Variants in ZSCAN5B observed in about 807,000 individuals in gnomAD.
The protein encoded by ZSCAN5B is zinc finger and SCAN domain-containing protein 5B.
A neutral mutation model predicts 25.2 loss-of-function variants in ZSCAN5B; 26 were observed. The ratio of observed to expected loss-of-function variants is 1.03; its 90% CI spans 0.76 to 1.43. The LOEUF (loss-of-function observed/expected upper bound fraction) is 1.43. ZSCAN5B is among the 40% of genes most tolerant of loss of function. The probability of loss-of-function intolerance (pLI) is 0.00; values close to 1 mark genes in which losing one functional copy is unlikely to be tolerated. For synonymous variants in ZSCAN5B, 244 were observed against 240.9 expected (o/e 1.01, Z -0.12); for missense variants, 745 against 622.1 (o/e 1.20, Z -2.10).
intron 3 of ZSCAN5B, 144 bp from the exon 4 acceptor site, chr19:56,191,131 G>T (rs868653670): frequency 2.6e-6 from 3 of 1,133,812 alleles, no homozygotes; most frequent in Non-Finnish European, 3.8e-6. Context: ...TCATTTCTGC[G>T]TCTGTCCCTA....
At chr19:56,194,532 C>T (rs566623972) in intron 1 of ZSCAN5B, among the ~76,000 whole-genome samples, 4 of 152,086 alleles carry the variant, frequency 2.6e-5, no homozygotes, top group South Asian at 2.1e-4. Context: ...TGGGCTCAAG[C>T]GATGCGCTTG....
At chr19:56,197,640 A>T (rs17753462) in intron 1 of ZSCAN5B, 94 bp downstream of exon 1, 20,885 of 646,144 alleles carry the variant, frequency 0.032, 718 homozygotes, top group East Asian at 0.25. Context: ...TCTCCGAGAA[A>T]ATAAATGCAT....
rs552266722 is a variant in ZSCAN5B at position 56,195,367 on chromosome 19, C to T, written c.-127-2188G>A. Among the ~76,000 whole-genome samples, 10 of 152,134 alleles carry T rather than the reference C, an allele frequency of 6.6e-5. No individual in the cohort carries two copies. The South Asian group carries it at 2.1e-3, about 32-fold the overall frequency. ...TCTCAGATGAAGACATGTGAATGGCCAGCAGGTCTAGGAAAAGGTGCTCGT... is the reference window on the plus strand; with the variant it reads ...TCTCAGATGAAGACATGTGAATGGCTAGCAGGTCTAGGAAAAGGTGCTCGT... On this transcript the variant is annotated intron_variant, in intron 1 of 4. Coordinates refer to ENST00000586855, the Ensembl canonical transcript of ZSCAN5B.
intron 1 of ZSCAN5B, 26 bp from the exon 2 acceptor site, chr19:56,193,205 T>A (rs566800522): frequency 1.1e-6 from 1 of 914,632 alleles, no homozygotes; most frequent in African/African-American, 1.7e-5. Flanking sequence ...ATGAGCCCGA[T>A]TATTTTAACT....
chr19:56,196,360 T>A (rs2032810026), intron 1 of ZSCAN5B, among the ~76,000 whole-genome samples: 1 of 149,452 alleles, frequency 6.7e-6, no homozygotes, highest in Admixed American at 6.6e-5. Context: ...CCATTAAAAC[T>A]TTTTTTTAAA....
intron 1 of ZSCAN5B, among the ~76,000 whole-genome samples, chr19:56,194,848 A>G (rs564808049): frequency 2.0e-5 from 3 of 152,220 alleles, no homozygotes; most frequent in South Asian, 4.2e-4. Context: ...CTCGGGTGAC[A>G]TGCCTCGGCC....
rs1599936451 is a variant in ZSCAN5B at position 56,190,737 on chromosome 19, C to G, written c.739+100G>C. Reference sequence around the variant, plus strand: ...CTGGAAAGTGGAGGAGAGATTTTGGCAGCTGATCGCCAGCCCCAGGGGATG... The same window carrying G: ...CTGGAAAGTGGAGGAGAGATTTTGGGAGCTGATCGCCAGCCCCAGGGGATG... On this transcript the variant is annotated intron_variant, in intron 4 of 4. Transcript: ENST00000586855. 7 of 1,543,816 alleles carry G rather than the reference C, an allele frequency of 4.5e-6. No individual in the cohort carries two copies. In the South Asian group the frequency reaches 7.8e-5, roughly 17 times the overall value.
At chr19:56,197,532 G>C (rs192113910) in intron 1 of ZSCAN5B, among the ~76,000 whole-genome samples, 80 of 152,222 alleles carry the variant, frequency 5.3e-4, no homozygotes, top group African/African-American at 1.8e-3. Flanking sequence ...CACTGGGCCC[G>C]ACCGAGAAAG....
chr19:56,190,926 G>T (rs765560736), exon 4 of ZSCAN5B: 1 of 1,613,984 alleles, frequency 6.2e-7, no homozygotes, highest in African/African-American at 1.3e-5. Flanking sequence ...GGTCTGCTTG[G>T]GTCTCGGAGA....
chr19:56,190,218 T>G, exon 5 of ZSCAN5B: 1 of 1,614,012 alleles, frequency 6.2e-7, no homozygotes. Flanking sequence ...CTGGGAAAAA[T>G]ACTTAAATGA....
chr19:56,192,716 T>C lies in ZSCAN5B; in HGVS notation c.337A>G (p.Lys113Glu), dbSNP rs764588873. 12 of 1,591,094 alleles carry C rather than the reference T, an allele frequency of 7.5e-6. No individual in the cohort carries two copies. The South Asian group carries it at 1.4e-4, about 18-fold the overall frequency. Residue 113 changes from lysine to glutamate, a missense_variant, in exon 2 of 5, where the codon AAA (lysine) becomes GAA (glutamate). Physicochemically the swap from Lys to Glu is moderately conservative, Grantham distance 56. Transcript: ENST00000586855. The stretch of plus-strand genomic sequence containing the variant: ...TTTCGTAGCAGGTCCTCCAGGTCTT[T>C]GCAGCTCTGCACACCGTTCACCTTG...
chr19:56,197,233 C>T (rs966421213), intron 1 of ZSCAN5B, among the ~76,000 whole-genome samples: 1 of 150,410 alleles, frequency 6.6e-6, no homozygotes, highest in East Asian at 2.0e-4. Context: ...AGTGCAATGG[C>T]GCGACCTCGG....
intron 1 of ZSCAN5B, among the ~76,000 whole-genome samples, chr19:56,195,812 G>A (rs925725586): frequency 2.4e-4 from 36 of 151,658 alleles, no homozygotes; most frequent in Admixed American, 7.9e-4. Flanking sequence ...ATCTGCACAG[G>A]CACCCACCGA....
intron 4 of ZSCAN5B, 32 bp downstream of exon 4, chr19:56,190,805 T>C (rs755278507): frequency 1.2e-6 from 2 of 1,607,938 alleles, no homozygotes; most frequent in South Asian, 2.2e-5. Flanking sequence ...AGAGAGGGAC[T>C]AACCCCTGTG....
Position 56,190,901 on chromosome 19 carries a change from C to G in ZSCAN5B, c.675G>C (p.Leu225=), listed in dbSNP as rs773740888. The change falls in exon 4 of 5, where the codon CTG becomes CTC. Residue 225 remains leucine (L), a synonymous_variant. Transcript: ENST00000586855. ...CTGGGTTCTCTTCCCTGTTTTCCTT[C>G]AGATCCTTCTCCAAGGTCTGCTTGG... 141 of 1,614,058 alleles carry G rather than the reference C, an allele frequency of 8.7e-5. No individual in the cohort carries two copies. The South Asian group carries it at 1.3e-3, about 15-fold the overall frequency.
intron 4 of ZSCAN5B, 55 bp downstream of exon 4, chr19:56,190,782 C>G (rs909282478): frequency 2.5e-6 from 4 of 1,579,432 alleles, no homozygotes; most frequent in Non-Finnish European, 3.4e-6. Flanking sequence ...GGCCCCCAGC[C>G]CCGCACCCCA....
chr19:56,189,711 C>T, exon 5 of ZSCAN5B: 1 of 1,272,244 alleles, frequency 7.9e-7, no homozygotes. Flanking sequence ...AATATTTATT[C>T]AAACATCCGG....
At chr19:56,197,836 C>A (rs902022624) in exon 1 of ZSCAN5B, 26 of 985,222 alleles carry the variant, frequency 2.6e-5, no homozygotes, top group African/African-American at 3.5e-5. Context: ...GACTCCAGGC[C>A]GCGTTTCCGG....
At chr19:56,195,953 G>C (rs905204337) in intron 1 of ZSCAN5B, among the ~76,000 whole-genome samples, 1 of 152,162 alleles carries the variant, frequency 6.6e-6, no homozygotes, top group African/African-American at 2.4e-5. Flanking sequence ...TTGACTTCTT[G>C]GGTCCAAGTG....
Sources: allele counts gnomAD v4.1 joint callset (sites outside exome capture counted in the v4.1 genomes callset), GRCh38; gene constraint gnomAD v4.1.1; transcripts MANE v1.5; gene names NCBI Gene and HGNC (gene_info 2026-07-23, HGNC 2026-07-21).